Variants in SEMA3A observed in about 807,000 individuals in gnomAD.
The protein encoded by SEMA3A is semaphorin 3A, also known as semaphorin-3A.
In SEMA3A, 29 loss-of-function variants were observed where a neutral mutation model predicts 97.9. The observed-to-expected ratio is 0.30, with a 90% CI of 0.22 to 0.40. SEMA3A has a LOEUF of 0.40. Among genes scored for constraint, SEMA3A ranks in the 10% least tolerant of loss-of-function variants. SEMA3A has a pLI of 1.00. For synonymous variants in SEMA3A, 321 were observed against 323.7 expected (o/e 0.99, Z 0.09); for missense variants, 763 against 951.3 (o/e 0.80, Z 2.60).
intron 5 of SEMA3A, among the ~76,000 whole-genome samples, chr7:84,056,832 A>G (rs2527040): frequency 0.39 from 58,717 of 152,014 alleles, 13,534 homozygotes; most frequent in African/African-American, 0.65. Context: ...AAGGTACCAA[A>G]TCTCCCTCCC....
In SEMA3A at chr7:83,985,422, C is replaced by A. The variant is rs1415606755; in HGVS notation, c.1494+14G>T. 5.0e-6 allele frequency: 8 copies of A among 1,586,526 alleles called. No homozygotes were observed. Among genetic ancestry groups the A allele is most frequent in the Non-Finnish European group, 6.0e-6 (7 of 1,157,236 alleles). Reference sequence around the variant, plus strand: ...AAATATTGGATATTCAATGGTAATACATAATGATAGTACCTGCTTAGTGGA... The same window carrying A: ...AAATATTGGATATTCAATGGTAATAAATAATGATAGTACCTGCTTAGTGGA... On this transcript the variant is annotated intron_variant, in intron 13 of 16. Transcript: ENST00000265362.
At position 84,398,900 on chromosome 7, in the gene SEMA3A, T is replaced by C. The variant is rs572560874; in HGVS notation, c.-245-27000A>G. Among the ~76,000 whole-genome samples, 152 of 152,222 alleles carry C rather than the reference T, an allele frequency of 1.0e-3. 3 individuals carry two copies. The South Asian group carries it at 0.017, about 17-fold the overall frequency. ...TGGCCTAGTAGAACCCTCCAGCAATTGTACCCCCCTTGCAGAAACATCAAC... is the reference window on the plus strand; with the variant it reads ...TGGCCTAGTAGAACCCTCCAGCAATCGTACCCCCCTTGCAGAAACATCAAC... On this transcript the variant is annotated intron_variant, in intron 1 of 3. Coordinates refer to the SEMA3A transcript ENST00000424555.
At chr7:83,989,218 G>GA (rs1282174249) in intron 12 of SEMA3A, among the ~76,000 whole-genome samples, 1 of 152,016 alleles carries the variant, frequency 6.6e-6, no homozygotes, top group African/African-American at 2.4e-5. Flanking sequence ...TAATTGAAGT[G>GA]AAATTAGCTA....
intron 1 of SEMA3A, among the ~76,000 whole-genome samples, chr7:84,409,475 T>C (rs1306936349): frequency 6.6e-6 from 1 of 152,102 alleles, no homozygotes; most frequent in Non-Finnish European, 1.5e-5. Context: ...TGTTACTTCC[T>C]TGGCATTTTA....
At chr7:84,090,567 T>C (rs2115844670) in intron 4 of SEMA3A, among the ~76,000 whole-genome samples, 1 of 152,246 alleles carries the variant, frequency 6.6e-6, no homozygotes, top group Non-Finnish European at 1.5e-5. Context: ...TTAAAGCTTA[T>C]GTGTGGAAGA....
In SEMA3A at chr7:84,092,183, T is replaced by A. The variant is rs11972825; in HGVS notation, c.453+18287A>T. Among the ~76,000 whole-genome samples the A allele has an allele frequency of 8.2e-3, 1,246 of 152,326 alleles. 10 individuals carry two copies. Among genetic ancestry groups the A allele is most frequent in the Middle Eastern group, 0.024 (7 of 294 alleles). ...AAATACCTGATTGTTAAGCAGGTTGTGTCATCTCCTGCCAATTGAAATCTT... is the reference window on the plus strand; with the variant it reads ...AAATACCTGATTGTTAAGCAGGTTGAGTCATCTCCTGCCAATTGAAATCTT... On this transcript the variant is annotated intron_variant, in intron 4 of 16. Transcript: ENST00000265362.
chr7:84,463,313 A>G (rs1805906676), intron 1 of SEMA3A, among the ~76,000 whole-genome samples: 1 of 137,242 alleles, frequency 7.3e-6, no homozygotes, highest in African/African-American at 2.8e-5. Context: ...CAGTGGCGCA[A>G]TCTCGGCTCA....
At chr7:84,255,688 T>C (rs1799702753) in intron 3 of SEMA3A, among the ~76,000 whole-genome samples, 1 of 152,100 alleles carries the variant, frequency 6.6e-6, no homozygotes, top group Non-Finnish European at 1.5e-5. Context: ...TAAGGTCACA[T>C]TCATTATCAG....
At chr7:84,202,589 C>T (rs749640725) in intron 3 of SEMA3A, among the ~76,000 whole-genome samples, 5 of 152,114 alleles carry the variant, frequency 3.3e-5, no homozygotes, top group African/African-American at 7.2e-5. Flanking sequence ...TGCAATCCAG[C>T]GCACTTAATT....
chr7:84,071,545 C>A (rs1793742655), intron 4 of SEMA3A, among the ~76,000 whole-genome samples: 1 of 152,010 alleles, frequency 6.6e-6, no homozygotes, highest in South Asian at 2.1e-4. Flanking sequence ...TATTTGGAGT[C>A]ACTTTTCCCT....
At chr7:84,429,798 A>G (rs980790921) in intron 1 of SEMA3A, among the ~76,000 whole-genome samples, 2 of 151,552 alleles carry the variant, frequency 1.3e-5, no homozygotes, top group Non-Finnish European at 2.9e-5. Context: ...AAATACTTAC[A>G]TAATCTTAGT....
At chr7:84,356,808 C>A (rs1209782069) in intron 2 of SEMA3A, among the ~76,000 whole-genome samples, 3 of 140,418 alleles carry the variant, frequency 2.1e-5, no homozygotes, top group Non-Finnish European at 3.1e-5. Flanking sequence ...GTAAATATGA[C>A]TATAAATACA....
At chr7:84,298,527 C>A (rs1450653184) in intron 3 of SEMA3A, among the ~76,000 whole-genome samples, 2 of 152,062 alleles carry the variant, frequency 1.3e-5, no homozygotes, top group Non-Finnish European at 2.9e-5. Flanking sequence ...GATAAGCAAG[C>A]CCATTCACTC....
At chr7:84,326,413 GT>G (rs1350786774) in intron 2 of SEMA3A, among the ~76,000 whole-genome samples, 1 of 151,994 alleles carries the variant, frequency 6.6e-6, no homozygotes, top group Non-Finnish European at 1.5e-5. Flanking sequence ...ACTGATTTGG[GT>G]TTTTGGATAT....
intron 12 of SEMA3A, among the ~76,000 whole-genome samples, chr7:83,990,632 T>C (rs1409565373): frequency 1.4e-5 from 2 of 147,062 alleles, no homozygotes; most frequent in African/African-American, 2.5e-5. Flanking sequence ...TAGTTGTAGA[T>C]ATGTGGCTCT....
chr7:84,150,995 T>G (rs6974519), intron 1 of SEMA3A, among the ~76,000 whole-genome samples: 37,281 of 137,834 alleles, frequency 0.27, 5,711 homozygotes, highest in East Asian at 0.4. Flanking sequence ...CACCTCACAC[T>G]GCAGGGTACT....
chr7:84,002,615 A>C (rs1790505880), intron 11 of SEMA3A, among the ~76,000 whole-genome samples: 1 of 152,204 alleles, frequency 6.6e-6, no homozygotes, highest in Admixed American at 6.5e-5. Context: ...AGCACTTAGA[A>C]GTTCCTAATG....
At chr7:84,081,509 C>A (rs937584288) in intron 4 of SEMA3A, among the ~76,000 whole-genome samples, 1 of 148,980 alleles carries the variant, frequency 6.7e-6, no homozygotes, top group Non-Finnish European at 1.5e-5. Flanking sequence ...AGGAGAATGG[C>A]GTGAACCCGG....
chr7:84,361,319 T>C (rs1016659381), intron 2 of SEMA3A, among the ~76,000 whole-genome samples: 2 of 152,036 alleles, frequency 1.3e-5, no homozygotes, highest in African/African-American at 2.4e-5. Context: ...GTAAGACTTA[T>C]ATTGAATGGA....
Sources: gnomAD v4.1 joint callset for allele counts (sites outside exome capture counted in the v4.1 genomes callset) on GRCh38, gnomAD v4.1.1 for gene constraint, MANE v1.5 for transcripts, NCBI Gene and HGNC (gene_info 2026-07-23, HGNC 2026-07-21) for gene names.